The following ADAMTS19 variants were observed in gnomAD, a reference collection of about 807,000 sequenced individuals.
ADAMTS19 encodes A disintegrin and metalloproteinase with thrombospondin motifs 19.
A neutral mutation model predicts 153.3 loss-of-function variants in ADAMTS19; 93 were observed. That is an observed-to-expected ratio of 0.61 (90% CI 0.51 to 0.72). ADAMTS19 has a LOEUF of 0.72. Among genes scored for constraint, ADAMTS19 ranks in the 30% least tolerant of loss-of-function variants. The pLI is 0.00. For missense variants in ADAMTS19, 1,482 were observed against 1,552.1 expected, an observed-to-expected ratio of 0.95 and a Z score of 0.76; for synonymous variants, 600 against 556.6, an observed-to-expected ratio of 1.08 and a Z score of -1.10.
chr5:129,561,986 G>C (rs1291467072), intron 7 of ADAMTS19, among the ~76,000 whole-genome samples: 1 of 152,138 alleles, frequency 6.6e-6, no homozygotes, highest in Non-Finnish European at 1.5e-5. Flanking sequence ...TTGAAAACTT[G>C]AATTTTATTC....
intron 16 of ADAMTS19, among the ~76,000 whole-genome samples, chr5:129,673,513 T>C (rs1387041582): frequency 6.6e-6 from 1 of 152,174 alleles, no homozygotes; most frequent in African/African-American, 2.4e-5. Context: ...TAAGAGAATA[T>C]ATTCAGTGTA....
chr5:129,578,837 A>G (rs1434383241), intron 7 of ADAMTS19, among the ~76,000 whole-genome samples: 1 of 152,130 alleles, frequency 6.6e-6, no homozygotes, highest in African/African-American at 2.4e-5. Flanking sequence ...TATCCAGTCT[A>G]TTATTGATTG....
At chr5:129,710,315 T>C (rs975228348) in intron 21 of ADAMTS19, among the ~76,000 whole-genome samples, 3 of 152,238 alleles carry the variant, frequency 2.0e-5, no homozygotes, top group African/African-American at 7.2e-5. Flanking sequence ...TTCCTTTTTA[T>C]GGCTGCATAG....
At chr5:129,513,674 T>C (rs572914718) in intron 3 of ADAMTS19, among the ~76,000 whole-genome samples, 1 of 152,140 alleles carries the variant, frequency 6.6e-6, no homozygotes, top group Non-Finnish European at 1.5e-5. Flanking sequence ...ATAGTAGGTG[T>C]ATATATTTGT....
At chr5:129,545,116 C>T (rs970586831) in intron 6 of ADAMTS19, among the ~76,000 whole-genome samples, 5 of 151,408 alleles carry the variant, frequency 3.3e-5, no homozygotes, top group Non-Finnish European at 5.9e-5. Context: ...TTAAAAAGTA[C>T]TAACAGGGAT....
At chr5:129,564,167 T>C (rs75781682) in intron 7 of ADAMTS19, among the ~76,000 whole-genome samples, 4,914 of 152,238 alleles carry the variant, frequency 0.032, 250 homozygotes, top group African/African-American at 0.11. Context: ...AGCAAAAACC[T>C]GCATGAGTTT....
intron 14 of ADAMTS19, among the ~76,000 whole-genome samples, chr5:129,656,407 C>A (rs1753548668): frequency 6.6e-6 from 1 of 152,142 alleles, no homozygotes; most frequent in African/African-American, 2.4e-5. Context: ...ATATATAGCA[C>A]CAAAGCTGAA....
rs779906893 is a variant in ADAMTS19 at position 129,665,584 on chromosome 5, C to T, written c.2506+5C>T. 28 of 1,604,874 alleles carry T rather than the reference C, an allele frequency of 1.7e-5. 1 individual carries two copies. The South Asian group carries it at 3.1e-4, about 18-fold the overall frequency. On this transcript the variant is annotated splice_donor_5th_base_variant and intron_variant, in intron 16 of 22. Coordinates refer to ENST00000274487, the MANE Select transcript of ADAMTS19 (RefSeq NM_133638.6). ...AGCCGGCACATAGCTATTTAGGTAA[C>T]CTGTGTTACAGACACAGAGAAGATC...
intron 7 of ADAMTS19, among the ~76,000 whole-genome samples, chr5:129,560,265 G>T (rs947949728): frequency 8.5e-5 from 13 of 152,198 alleles, no homozygotes; most frequent in African/African-American, 1.2e-4. Context: ...CAGAGTCTAG[G>T]TTAAAGTAGA....
At chr5:129,666,766 C>A (rs1205610861) in intron 16 of ADAMTS19, among the ~76,000 whole-genome samples, 1 of 152,132 alleles carries the variant, frequency 6.6e-6, no homozygotes, top group Admixed American at 6.5e-5. Flanking sequence ...AGTCCTGATA[C>A]CCAGTTTTTA....
intron 6 of ADAMTS19, among the ~76,000 whole-genome samples, chr5:129,531,377 C>A (rs1291130553): frequency 6.6e-6 from 1 of 152,108 alleles, no homozygotes; most frequent in African/African-American, 2.4e-5. Flanking sequence ...GTAATCCCAG[C>A]ACTTTGGGTG....
intron 10 of ADAMTS19, among the ~76,000 whole-genome samples, chr5:129,628,084 A>T (rs1314472372): frequency 6.6e-6 from 1 of 152,170 alleles, no homozygotes; most frequent in African/African-American, 2.4e-5. Context: ...GGATAAAGAA[A>T]ATGTGGTACA....
At chr5:129,563,952 CTT>C (rs1753612165) in intron 7 of ADAMTS19, among the ~76,000 whole-genome samples, 2 of 151,800 alleles carry the variant, frequency 1.3e-5, no homozygotes, top group Non-Finnish European at 2.9e-5. Context: ...CGTAGTATCT[CTT>C]TGTCACCGAG....
At chr5:129,517,962 T>G (rs1168557940) in intron 3 of ADAMTS19, among the ~76,000 whole-genome samples, 1 of 152,094 alleles carries the variant, frequency 6.6e-6, no homozygotes, top group Non-Finnish European at 1.5e-5. Context: ...TCACCATATG[T>G]TTTTGGGTTT....
At chr5:129,536,594 T>C (rs1279252431) in intron 6 of ADAMTS19, among the ~76,000 whole-genome samples, 1 of 152,174 alleles carries the variant, frequency 6.6e-6, no homozygotes, top group Non-Finnish European at 1.5e-5. Flanking sequence ...ATCATGCTGC[T>C]ATAAAGACAC....
intron 2 of ADAMTS19, among the ~76,000 whole-genome samples, chr5:129,489,652 C>T (rs536699740): frequency 6.6e-6 from 1 of 152,226 alleles, no homozygotes; most frequent in South Asian, 2.1e-4. Context: ...AAGACTTAGA[C>T]ATTAATGTGT....
At chr5:129,673,981 A>G (rs978044894) in intron 16 of ADAMTS19, among the ~76,000 whole-genome samples, 1 of 152,210 alleles carries the variant, frequency 6.6e-6, no homozygotes, top group African/African-American at 2.4e-5. Flanking sequence ...CTGTAATGCC[A>G]GCACTTTGGG....
intron 2 of ADAMTS19, among the ~76,000 whole-genome samples, chr5:129,462,897 A>T (rs1436595002): frequency 6.6e-6 from 1 of 152,210 alleles, no homozygotes; most frequent in East Asian, 1.9e-4. Flanking sequence ...GAGAAAATCC[A>T]ACAGCAGTGG....
At chr5:129,658,589 A>T (rs1258986628) in intron 14 of ADAMTS19, 28 bp from the exon 15 acceptor site, 1 of 1,607,358 alleles carries the variant, frequency 6.2e-7, no homozygotes, top group Non-Finnish European at 8.5e-7. Flanking sequence ...ACTGCTATTT[A>T]TGATGTGCTG....
Sources: gnomAD v4.1 joint callset for allele counts (sites outside exome capture counted in the v4.1 genomes callset) on GRCh38, gnomAD v4.1.1 for gene constraint, MANE v1.5 for transcripts, NCBI Gene and HGNC (gene_info 2026-07-23, HGNC 2026-07-21) for gene names.